Variants in SPRY3 observed in about 807,000 individuals in gnomAD.
SPRY3 encodes sprouty RTK signaling antagonist 3.
SPRY3 carries 15 observed loss-of-function variants against 20.2 expected under a neutral mutation model. That is an observed-to-expected ratio of 0.74 (90% CI 0.50 to 1.14). The LOEUF is 1.14. Among genes scored for constraint, SPRY3 ranks in the 50% most tolerant of loss-of-function variants. The pLI is 0.00. For synonymous variants in SPRY3, 143 were observed against 136.5 expected (o/e 1.05, Z -0.33); for missense variants, 364 against 363.9 (o/e 1.00, Z 0.00).
chrX:155,774,687 G>A, exon 4 of SPRY3: 1 of 1,613,952 alleles, frequency 6.2e-7, no homozygotes, highest in Non-Finnish European at 8.5e-7. Context: ...TGTGCAGAAA[G>A]ATCTCTTCTG....
intron 2 of SPRY3, among the ~76,000 whole-genome samples, chrX:155,698,350 T>G (rs967149445): frequency 1.8e-5 from 2 of 111,530 alleles, no homozygotes; most frequent in African/African-American, 6.5e-5. Flanking sequence ...AAAAATGGAT[T>G]TGGGAATGGA....
At chrX:155,736,477 G>GT (rs1235989821) in intron 2 of SPRY3, among the ~76,000 whole-genome samples, 2 of 151,892 alleles carry the variant, frequency 1.3e-5, no homozygotes, top group South Asian at 4.2e-4. Context: ...AGGTTGGTGG[G>GT]TTTTTTTCTT....
At chrX:155,638,678 A>C (rs1427780984) in intron 1 of SPRY3, among the ~76,000 whole-genome samples, 1 of 110,759 alleles carries the variant, frequency 9.0e-6, no homozygotes, top group Non-Finnish European at 1.9e-5. Flanking sequence ...GGTTGTGACT[A>C]AACCTGTAGA....
chrX:155,741,460 C>A (rs1426840122), intron 2 of SPRY3, among the ~76,000 whole-genome samples: 2 of 152,084 alleles, frequency 1.3e-5, no homozygotes, highest in Non-Finnish European at 2.9e-5. Context: ...ATTCCCCAAC[C>A]TAGCAAGACA....
chrX:155,660,393 C>A (rs953383760), intron 2 of SPRY3, among the ~76,000 whole-genome samples: 2 of 111,901 alleles, frequency 1.8e-5, no homozygotes, highest in Middle Eastern at 4.6e-3. Flanking sequence ...AGATATTTAA[C>A]AGGATTTTGA....
chrX:155,777,082 C>A (rs757667248), downstream of SPRY3: 7 of 167,072 alleles, frequency 4.2e-5, no homozygotes, highest in Non-Finnish European at 8.8e-5. Context: ...ACTTTTTAAT[C>A]TTACAAGTCT....
chrX:155,720,378 C>T (rs1428975398), intron 2 of SPRY3, among the ~76,000 whole-genome samples: 1 of 152,168 alleles, frequency 6.6e-6, no homozygotes, highest in Non-Finnish European at 1.5e-5. Context: ...TCTCATCCTA[C>T]CTTGAAGGGA....
chrX:155,734,255 C>T (rs2091153447), intron 2 of SPRY3, among the ~76,000 whole-genome samples: 1 of 151,982 alleles, frequency 6.6e-6, no homozygotes, highest in Non-Finnish European at 1.5e-5. Context: ...CATGTAAAGG[C>T]CATTGTAAGG....
At chrX:155,656,059 C>CT (rs2067991353) in intron 1 of SPRY3, among the ~76,000 whole-genome samples, 1 of 111,526 alleles carries the variant, frequency 9.0e-6, no homozygotes, top group Admixed American at 9.5e-5. Flanking sequence ...CTTGGGGAAT[C>CT]TGACAATTAT....
intron 2 of SPRY3, among the ~76,000 whole-genome samples, chrX:155,677,411 T>C (rs1232215322): frequency 8.9e-6 from 1 of 111,763 alleles, no homozygotes; most frequent in Non-Finnish European, 1.9e-5. Context: ...ACCCAGTTGG[T>C]GAATTTAGGA....
chrX:155,692,424 T>C (rs1357726874), intron 2 of SPRY3, among the ~76,000 whole-genome samples: 2 of 111,735 alleles, frequency 1.8e-5, no homozygotes, highest in African/African-American at 3.2e-5. Context: ...TGTCTAGCTC[T>C]CTTGATTACT....
chrX:155,747,821 CTT>C (rs1020490590), intron 2 of SPRY3, among the ~76,000 whole-genome samples: 2 of 151,826 alleles, frequency 1.3e-5, no homozygotes, highest in African/African-American at 4.8e-5. Context: ...CTTCTCAACT[CTT>C]TGTGGTGAAG....
At chrX:155,706,310 A>G (rs1457660358) in intron 2 of SPRY3, among the ~76,000 whole-genome samples, 2 of 151,192 alleles carry the variant, frequency 1.3e-5, no homozygotes, top group Non-Finnish European at 3.0e-5. Flanking sequence ...AATATTTTGA[A>G]CTGAATGAAG....
chrX:155,777,070 T>G (rs1170709296), downstream of SPRY3: 1 of 167,054 alleles, frequency 6.0e-6, no homozygotes, highest in Non-Finnish European at 1.5e-5. Flanking sequence ...CAATTTTAAG[T>G]AACTTTTTAA....
chrX:155,731,109 C>A (rs1182661251), intron 2 of SPRY3, among the ~76,000 whole-genome samples: 2 of 152,038 alleles, frequency 1.3e-5, no homozygotes, highest in East Asian at 1.9e-4. Context: ...AGATTCATAG[C>A]AATCCCTATC....
chrX:155,652,130 G>A (rs1557352428), intron 1 of SPRY3, among the ~76,000 whole-genome samples: 1 of 111,063 alleles, frequency 9.0e-6, no homozygotes, highest in East Asian at 2.8e-4. Flanking sequence ...GAGGAAATCT[G>A]CCCCCATGAT....
chrX:155,673,242 T>C lies in SPRY3; in HGVS notation c.-282+16217T>C, dbSNP rs377045695. On this transcript the variant is annotated intron_variant, in intron 2 of 3. Transcript: ENST00000675360. ...TAAAAAAAATTAAAAAAAGAACATATAACATGTTAAAAAAAAAAACCTTAA... is the reference window on the plus strand; with the variant it reads ...TAAAAAAAATTAAAAAAAGAACATACAACATGTTAAAAAAAAAAACCTTAA... Among the ~76,000 whole-genome samples the C allele has an allele frequency of 6.3e-4, 68 of 108,396 alleles. No homozygotes were observed. In the South Asian group the frequency reaches 0.024, roughly 39 times the overall value. 94.1% of individuals were successfully genotyped at this position (108,396 alleles called of 115,157 possible). A position where few individuals can be genotyped will look rare whatever the true frequency, so the allele number is the denominator to read the frequency against.
intron 1 of SPRY3, among the ~76,000 whole-genome samples, chrX:155,636,154 C>T (rs1360709233): frequency 9.0e-6 from 1 of 111,173 alleles, no homozygotes; most frequent in Non-Finnish European, 1.9e-5. Flanking sequence ...GACTGCCACC[C>T]GCTATTAGCT....
chrX:155,763,011 C>T (rs1353556561), intron 2 of SPRY3, among the ~76,000 whole-genome samples: 1 of 152,034 alleles, frequency 6.6e-6, no homozygotes, highest in African/African-American at 2.4e-5. Context: ...ATATGGTACA[C>T]CATGGAATAC....
Sources: gnomAD v4.1 joint callset for allele counts (sites outside exome capture counted in the v4.1 genomes callset) on GRCh38, gnomAD v4.1.1 for gene constraint, MANE v1.5 for transcripts, NCBI Gene and HGNC (gene_info 2026-07-23, HGNC 2026-07-21) for gene names.